Variants in USP35 observed in about 807,000 individuals in gnomAD.
The protein encoded by USP35 is ubiquitin carboxyl-terminal hydrolase 35.
A neutral mutation model predicts 83.8 loss-of-function variants in USP35; 69 were observed. That is an observed-to-expected ratio of 0.82 (90% CI 0.68 to 1.01). The LOEUF (loss-of-function observed/expected upper bound fraction) is 1.01. USP35 is among the 50% of genes least tolerant of loss of function. The pLI, the probability that USP35 is intolerant of heterozygous loss-of-function variation, is 0.00. For synonymous variants in USP35, 714 were observed against 589.5 expected (o/e 1.21, Z -3.06); for missense variants, 1,503 against 1,362.5 (o/e 1.10, Z -1.62).
the USP35 span, chr11:78,222,106 T>C: frequency 1.2e-6 from 2 of 1,604,346 alleles, no homozygotes; most frequent in South Asian, 1.1e-5. Context: ...CGCACTTACT[T>C]GGCCCTAGAC....
chr11:78,205,822 C>A lies in USP35; in HGVS notation c.1198-20C>A. The stretch of plus-strand genomic sequence containing the variant: ...ACCCTGGTGCCCACCATCCTGCCTG[C>A]CTGCTTATTCCCTCCTCAGGACCTC... On this transcript the variant is annotated intron_variant, in intron 6 of 10. Transcript: ENST00000529308. 1.3e-6 allele frequency: 2 copies of A among 1,593,632 alleles called. No homozygotes were observed. Among genetic ancestry groups the A allele is most frequent in the South Asian group, 1.1e-5 (1 of 89,246 alleles).
chr11:78,199,437 C>T, intron 3 of USP35, 158 bp from the exon 4 acceptor site: 1 of 1,127,292 alleles, frequency 8.9e-7, no homozygotes, highest in Non-Finnish European at 1.3e-6. Flanking sequence ...TTGTGCATTT[C>T]CCAGCCATGT....
intron 1 of USP35, among the ~76,000 whole-genome samples, chr11:78,189,870 C>T (rs1437286525): frequency 6.6e-6 from 1 of 152,116 alleles, no homozygotes. Context: ...CATGGGCCTC[C>T]CGGAGTAGGG....
chr11:78,197,159 T>C lies in USP35; in HGVS notation c.673+241T>C, dbSNP rs1044623389. On this transcript the variant is annotated intron_variant, in intron 2 of 10. Coordinates refer to ENST00000529308, the MANE Select transcript of USP35 (RefSeq NM_020798.4). ...GGAAACGCAGGGAGGAGCACACTGGTGTGAAAAGGATACGGGTCAGCCTGG... is the reference window on the plus strand; with the variant it reads ...GGAAACGCAGGGAGGAGCACACTGGCGTGAAAAGGATACGGGTCAGCCTGG... 3.9e-5 allele frequency among the ~76,000 whole-genome samples: 5 copies of C among 128,200 alleles called. No homozygotes were observed. In the South Asian group the frequency reaches 1.2e-3, roughly 31 times the overall value. The allele number at this position is 128,200 out of a possible 152,430, so 84.1% of individuals were successfully genotyped here. A position where few individuals can be genotyped will look rare whatever the true frequency, so the allele number is the denominator to read the frequency against.
Position 78,196,894 on chromosome 11 carries a change from C to G in USP35, c.649C>G (p.Leu217Val), listed in dbSNP as rs1433294853. Residue 217 changes from leucine (L) to valine (V), a missense_variant, in exon 2 of 11, where the codon CTG (leucine) becomes GTG (valine). Coordinates refer to ENST00000529308, the MANE Select transcript of USP35 (RefSeq NM_020798.4). The surrounding 1 kb of genome is among the most constrained non-coding windows in gnomAD (Gnocchi z 4.8). ...CGCCATCCTGCCCTGCCTCAAAGAG[C>G]TGTTCGCAGTCATCTCCTGCGCAGG... ...PAAILPCLKE[L>V]FAVISCAEEE... The G allele has an allele frequency of 2.2e-5, 32 of 1,472,190 alleles. No individual in the cohort carries two copies. The highest frequency in any genetic ancestry group is 2.9e-5 in the Non-Finnish European group (32 of 1,115,258). The allele number at this position is 1,472,190 out of a possible 1,614,324, so 91.2% of individuals were successfully genotyped here. A position where few individuals can be genotyped will look rare whatever the true frequency, so the allele number is the denominator to read the frequency against.
the USP35 span, chr11:78,220,295 C>T: frequency 6.2e-7 from 1 of 1,610,052 alleles, no homozygotes; most frequent in Non-Finnish European, 8.5e-7. Flanking sequence ...GCTCTTACTG[C>T]CCCCCCAACT....
chr11:78,207,486 G>A (rs1221309090), intron 7 of USP35, 44 bp from the exon 8 acceptor site: 1 of 1,598,118 alleles, frequency 6.3e-7, no homozygotes, highest in Admixed American at 1.7e-5. Flanking sequence ...GAGACTCCTT[G>A]GGGGCCCATG....
At chr11:78,213,248 C>G (rs116193388) in intron 10 of USP35, among the ~76,000 whole-genome samples, 15 of 152,126 alleles carry the variant, frequency 9.9e-5, no homozygotes, top group Admixed American at 7.9e-4. Flanking sequence ...GGGTAAGGAT[C>G]GCCATGAGGC....
Position 78,214,053 on chromosome 11 carries a change from C to A in USP35, c.*240C>A, listed in dbSNP as rs866041425. 2.4e-6 allele frequency: 1 copy of A among 416,340 alleles called. No homozygotes were observed. Among genetic ancestry groups the A allele is most frequent in the Non-Finnish European group, 4.2e-6 (1 of 240,516 alleles). The allele number at this position is 416,340 out of a possible 1,614,324, so 25.8% of individuals were successfully genotyped here. A position where few individuals can be genotyped will look rare whatever the true frequency, so the allele number is the denominator to read the frequency against. On this transcript the variant is annotated 3_prime_UTR_variant, in exon 11 of 11. Coordinates refer to ENST00000529308, the MANE Select transcript of USP35 (RefSeq NM_020798.4). ...AGTGTCCTGGTTAACTTGAAGCAGC[C>A]GAGATGGGCACACACGGGTCTTTGC...
At chr11:78,219,023 G>A, downstream of USP35, 2 of 483,150 alleles carry the variant, frequency 4.1e-6, no homozygotes, top group Middle Eastern at 5.5e-4. Flanking sequence ...TCCTAACTAA[G>A]GTGGGTGGAG....
the USP35 span, among the ~76,000 whole-genome samples, chr11:78,226,027 T>C: frequency 6.6e-6 from 1 of 152,254 alleles, no homozygotes; most frequent in Non-Finnish European, 1.5e-5. Flanking sequence ...GATTCAAGTA[T>C]GATTTAGAAA....
intron 7 of USP35, among the ~76,000 whole-genome samples, chr11:78,206,576 C>A (rs772617172): frequency 3.1e-4 from 47 of 152,318 alleles, no homozygotes; most frequent in Admixed American, 1.4e-3. Context: ...ATCTCCAAGT[C>A]TTTCTAAGGT....
intron 7 of USP35, 32 bp downstream of exon 7, chr11:78,206,067 C>T (rs779676851): frequency 4.4e-6 from 7 of 1,592,710 alleles, no homozygotes; most frequent in Non-Finnish European, 5.1e-6. Context: ...CCTGTCTGCC[C>T]TTGCTTCTCT....
At chr11:78,228,359 G>A in the USP35 span, among the ~76,000 whole-genome samples, 1 of 152,166 alleles carries the variant, frequency 6.6e-6, no homozygotes, top group Non-Finnish European at 1.5e-5. Context: ...TTTGTAGCAG[G>A]GATTCTAAGC....
chr11:78,213,825 T>C lies in USP35; in HGVS notation c.*12T>C, dbSNP rs1404506361. 32 of 1,544,062 alleles carry C rather than the reference T, an allele frequency of 2.1e-5. No individual in the cohort carries two copies. In the South Asian group the frequency reaches 3.4e-4, roughly 16 times the overall value. ...GACTGGTCTTCTAATGTGAACCTGCTGCCAACCTGACCCCTTCCCTCCAGG... is the reference window on the plus strand; with the variant it reads ...GACTGGTCTTCTAATGTGAACCTGCCGCCAACCTGACCCCTTCCCTCCAGG... On this transcript the variant is annotated 3_prime_UTR_variant, in exon 11 of 11. Transcript: ENST00000529308.
At chr11:78,211,292 T>C (rs1863763685) in intron 10 of USP35, among the ~76,000 whole-genome samples, 1 of 152,204 alleles carries the variant, frequency 6.6e-6, no homozygotes, top group African/African-American at 2.4e-5. Context: ...CTCGTTCCTT[T>C]TTATGGATGC....
chr11:78,211,436 T>C (rs1387391782), intron 10 of USP35, among the ~76,000 whole-genome samples: 5 of 152,204 alleles, frequency 3.3e-5, no homozygotes. Context: ...ATCTTTATAA[T>C]AGAATGACTT....
chr11:78,196,586 G>T lies in USP35; in HGVS notation c.341G>T (p.Gly114Val). ...CTGGGTCTGCAGCTGCTGCCCGAGGGGCCTGCGGCCGACGAGGTGTTCGCG... is the reference window on the plus strand; with the variant it reads ...CTGGGTCTGCAGCTGCTGCCCGAGGTGCCTGCGGCCGACGAGGTGTTCGCG... ...VQLGLQLLPE[G>V]PAADEVFALL... Residue 114 changes from glycine (G) to valine (V), a missense_variant, in exon 2 of 11, where the codon GGG becomes GTG. By Grantham distance (109) the Gly-to-Val change is moderately radical. Coordinates refer to ENST00000529308, the MANE Select transcript of USP35 (RefSeq NM_020798.4). The surrounding 1 kb of genome is among the most constrained non-coding windows in gnomAD (Gnocchi z 4.8). The T allele has an allele frequency of 1.6e-6, 2 of 1,250,662 alleles. No homozygotes were observed. The highest frequency in any genetic ancestry group is 4.5e-5 in the South Asian group (2 of 44,186). 77.5% of individuals were successfully genotyped at this position (1,250,662 alleles called of 1,614,324 possible).
chr11:78,191,166 TACAC>T (rs3050609), intron 1 of USP35, among the ~76,000 whole-genome samples: 42,435 of 151,500 alleles, frequency 0.28, 6,671 homozygotes, highest in Admixed American at 0.43. Context: ...TACACACACA[TACAC>T]ACACACACAC....
Sources: gnomAD v4.1 joint callset for allele counts (sites outside exome capture counted in the v4.1 genomes callset) on GRCh38, gnomAD v4.1.1 for gene constraint, Gnocchi (gnomAD v3.1) non-coding constraint, MANE v1.5 for transcripts, NCBI Gene and HGNC (gene_info 2026-07-23, HGNC 2026-07-21) for gene names.